The following CLEC12B variants were observed in gnomAD, a reference collection of about 807,000 sequenced individuals.
The protein encoded by CLEC12B is C-type lectin domain family 12 member B, also known as macrophage antigen h.
Under a neutral mutation model 36.1 loss-of-function variants are expected in CLEC12B, and 25 were observed. The ratio of observed to expected loss-of-function variants is 0.69; its 90% confidence interval spans 0.50 to 0.97. CLEC12B has a LOEUF of 0.97. Ranked by LOEUF, CLEC12B falls within the 50% of genes least tolerant of loss-of-function variation. CLEC12B has a pLI of 0.00. For missense variants in CLEC12B, 325 were observed against 318.4 expected (o/e 1.02, Z -0.16); for synonymous variants, 110 against 108.5 (o/e 1.01, Z -0.09).
intron 5 of CLEC12B, chr12:10,017,934 A>G (rs1046742266): frequency 1.0e-6 from 1 of 962,498 alleles, no homozygotes; most frequent in Non-Finnish European, 1.2e-6. Context: ...ATAAAATGTG[A>G]TAACTTTTTA....
chr12:10,009,818 G>T (rs575646717), upstream of CLEC12B, among the ~76,000 whole-genome samples: 213 of 152,160 alleles, frequency 1.4e-3, no homozygotes, highest in African/African-American at 4.7e-3. Flanking sequence ...CCTAAGTACA[G>T]TTATCTAATA....
At chr12:10,007,062 A>C (rs1865238368), upstream of CLEC12B, among the ~76,000 whole-genome samples, 1 of 152,110 alleles carries the variant, frequency 6.6e-6, no homozygotes, top group Admixed American at 6.5e-5. Context: ...CTCAATAAAA[A>C]AAAAGAAAGA....
rs1865544956 is a variant in CLEC12B, at chr12:10,018,586, G to A, written c.*105G>A. ...AGCCAAACCAGCTTTTAAAATGACT[G>A]TGTATTTACATTATCAGACAAATGA... On this transcript the variant is annotated 3_prime_UTR_variant, in exon 6 of 6. Coordinates refer to ENST00000338896, the MANE Select transcript of CLEC12B (RefSeq NM_001129998.3). 5.7e-6 allele frequency: 5 copies of A among 879,890 alleles called. No homozygotes were observed. The highest frequency in any genetic ancestry group is 8.8e-6 in the Non-Finnish European group (5 of 569,204). The allele number at this position is 879,890 out of a possible 1,614,324, so 54.5% of individuals were successfully genotyped here. A position where few individuals can be genotyped will look rare whatever the true frequency, so the allele number is the denominator to read the frequency against.
upstream of CLEC12B, among the ~76,000 whole-genome samples, chr12:10,010,344 A>G (rs1407283942): frequency 6.6e-6 from 1 of 152,124 alleles, no homozygotes; most frequent in Non-Finnish European, 1.5e-5. Flanking sequence ...ACTAGAACCA[A>G]TGTCTCCAGG....
Position 10,012,874 on chromosome 12 carries a change from G to T in CLEC12B, c.181G>T (p.Gly61Trp). The T allele has an allele frequency of 6.2e-7, 1 of 1,610,682 alleles. No homozygotes were observed. Among genetic ancestry groups the T allele is most frequent in the Non-Finnish European group, 8.5e-7 (1 of 1,177,046 alleles). Residue 61 changes from glycine (G) to tryptophan (W), a missense_variant, in exon 2 of 6, where the codon GGG (glycine) becomes TGG (tryptophan). Transcript: ENST00000338896. ...GTTGCTGATTGGGCTGGTGACATTG[G>T]GGATGATGTGTAAGTATATCAGCAT... is the stretch of plus-strand genomic sequence containing the variant. Reference protein sequence around the residue: ...LMLLIGLVTLGMMFLQISNDI... With the variant: ...LMLLIGLVTLWMMFLQISNDI...
rs772560354 is a variant in CLEC12B at position 10,010,746 on chromosome 12, C to T, written c.-14C>T. ...ACATTAATTAGATAATTTAAAGTAGCGTTTTCTTCTACAATGTCTGAAGAA... is the reference window on the plus strand; with the variant it reads ...ACATTAATTAGATAATTTAAAGTAGTGTTTTCTTCTACAATGTCTGAAGAA... On this transcript the variant is annotated 5_prime_UTR_variant, in exon 1 of 6. Transcript: ENST00000338896. 17 of 1,499,680 alleles carry T rather than the reference C, an allele frequency of 1.1e-5. No individual in the cohort carries two copies. The South Asian group carries it at 1.7e-4, about 15-fold the overall frequency. 92.9% of individuals were successfully genotyped at this position (1,499,680 alleles called of 1,614,324 possible).
In CLEC12B at chr12:10,018,505, G is replaced by T; in HGVS notation, c.*24G>T. ...AGTATGCTTCTTCCAAATTCTCCAAGAAGTAAGAGACTTGTGAGTAAGCTC... is the reference window on the plus strand; with the variant it reads ...AGTATGCTTCTTCCAAATTCTCCAATAAGTAAGAGACTTGTGAGTAAGCTC... On this transcript the variant is annotated 3_prime_UTR_variant, in exon 6 of 6. Transcript: ENST00000338896. 6.5e-7 allele frequency: 1 copy of T among 1,542,190 alleles called. No homozygotes were observed. Among genetic ancestry groups the T allele is most frequent in the South Asian group, 1.2e-5 (1 of 82,084 alleles).
chr12:10,018,265 G>A lies in CLEC12B; in HGVS notation c.681-66G>A, dbSNP rs866050703. On this transcript the variant is annotated intron_variant, in intron 5 of 5. Transcript: ENST00000338896. Reference sequence around the variant, plus strand: ...CATGACATTGGCTGTAAGAGCAACTGAGGGCACTAAATAGTGATCACGTTT... The same window carrying A: ...CATGACATTGGCTGTAAGAGCAACTAAGGGCACTAAATAGTGATCACGTTT... The A allele has an allele frequency of 8.0e-5, 77 of 966,114 alleles. 1 individual carries two copies. In the Middle Eastern group the frequency reaches 4.4e-3, roughly 55 times the overall value. 59.8% of individuals were successfully genotyped at this position (966,114 alleles called of 1,614,324 possible).
Position 10,018,685 on chromosome 12 carries a change from T to C in CLEC12B, c.*204T>C, listed in dbSNP as rs886947494. ...TTGATGTTATTATTCGGTCTTAAAA[T>C]TATACCTGGGGACAAAGGGGAATAG... On this transcript the variant is annotated 3_prime_UTR_variant, in exon 6 of 6. Transcript: ENST00000338896. 1.7e-5 allele frequency: 9 copies of C among 538,500 alleles called. No individual in the cohort carries two copies. The African/African-American group carries it at 1.8e-4, about 11-fold the overall frequency. 33.4% of individuals were successfully genotyped at this position (538,500 alleles called of 1,614,324 possible). A position where few individuals can be genotyped will look rare whatever the true frequency, so the allele number is the denominator to read the frequency against.
rs1865545976 is a variant in CLEC12B at position 10,018,629 on chromosome 12, T to C, written c.*148T>C. 2 of 659,846 alleles carry C rather than the reference T, an allele frequency of 3.0e-6. No individual in the cohort carries two copies. The allele number at this position is 659,846 out of a possible 1,614,324, so 40.9% of individuals were successfully genotyped here. On this transcript the variant is annotated 3_prime_UTR_variant, in exon 6 of 6. Coordinates refer to ENST00000338896, the MANE Select transcript of CLEC12B (RefSeq NM_001129998.3). Reference sequence around the variant, plus strand: ...ACAAATGAACTTGTTTAACAGAACATTCTCCAGTTCCTTGTCTGACGTCTT... The same window carrying C: ...ACAAATGAACTTGTTTAACAGAACACTCTCCAGTTCCTTGTCTGACGTCTT...
upstream of CLEC12B, among the ~76,000 whole-genome samples, chr12:10,009,468 GATTT>G (rs1865273021): frequency 6.6e-6 from 1 of 151,104 alleles, no homozygotes; most frequent in Admixed American, 6.6e-5. Context: ...CATAAGCATA[GATTT>G]ATTATTTGTT....
chr12:10,011,485 T>C (rs1214919604), intron 1 of CLEC12B, among the ~76,000 whole-genome samples: 7 of 151,700 alleles, frequency 4.6e-5, no homozygotes, highest in Non-Finnish European at 2.9e-5. Flanking sequence ...CTCCATTACA[T>C]AGATGAAAAA....
Position 10,010,716 on chromosome 12 carries a change from T to C in CLEC12B, c.-44T>C, listed in dbSNP as rs770349083. ...CATGCTGTTCCCAGGCCTCAAGATA[T>C]TGAAACATTAATTAGATAATTTAAA... On this transcript the variant is annotated 5_prime_UTR_variant, in exon 1 of 6. Coordinates refer to ENST00000338896, the MANE Select transcript of CLEC12B (RefSeq NM_001129998.3). 7.6e-6 allele frequency: 10 copies of C among 1,308,012 alleles called. No individual in the cohort carries two copies. The highest frequency in any genetic ancestry group is 5.9e-5 in the African/African-American group (4 of 68,132). The allele number at this position is 1,308,012 out of a possible 1,614,324, so 81.0% of individuals were successfully genotyped here.
At chr12:10,008,944 C>G (rs924997892), upstream of CLEC12B, among the ~76,000 whole-genome samples, 1 of 152,328 alleles carries the variant, frequency 6.6e-6, no homozygotes, top group East Asian at 1.9e-4. Context: ...ACTCAGGGAA[C>G]TTTCCTGTCT....
intron 1 of CLEC12B, 134 bp downstream of exon 1, chr12:10,010,984 A>G (rs590429): frequency 0.13 from 72,930 of 571,642 alleles, 5,921 homozygotes; most frequent in South Asian, 0.31. Context: ...ATAGTTGTGG[A>G]ATGTATTAGA....
intron 1 of CLEC12B, 64 bp from the exon 2 acceptor site, chr12:10,012,721 C>G: frequency 7.5e-7 from 1 of 1,336,608 alleles, no homozygotes; most frequent in Non-Finnish European, 1.1e-6. Context: ...GAGAAATAAA[C>G]AAACCAAAGT....
upstream of CLEC12B, among the ~76,000 whole-genome samples, chr12:10,008,852 TGAG>T (rs780826410): frequency 6.6e-6 from 1 of 152,064 alleles, no homozygotes; most frequent in Non-Finnish European, 1.5e-5. Context: ...ATTAAGGAAA[TGAG>T]GATGAAAACC....
Position 10,014,553 on chromosome 12 carries a change from A to G in CLEC12B, c.221A>G (p.Asp74Gly). 6.2e-7 allele frequency: 1 copy of G among 1,613,598 alleles called. No homozygotes were observed. Among genetic ancestry groups the G allele is most frequent in the Non-Finnish European group, 8.5e-7 (1 of 1,179,600 alleles). Residue 74 changes from aspartate to glycine, a missense_variant, in exon 3 of 6, where the codon GAT (aspartate) becomes GGT (glycine). Coordinates refer to ENST00000338896, the MANE Select transcript of CLEC12B (RefSeq NM_001129998.3). ...FLQISNDINS[D>G]SEKLSQLQKT... Reference sequence around the variant, plus strand: ...CAGATATCTAATGACATTAACTCAGATTCAGAGAAATTGAGTCAACTTCAG... The same window carrying G: ...CAGATATCTAATGACATTAACTCAGGTTCAGAGAAATTGAGTCAACTTCAG...
Position 10,017,860 on chromosome 12 carries a change from C to CT in CLEC12B, c.681-470dup, listed in dbSNP as rs929656780. 6 of 973,032 alleles carry CT rather than the reference C, an allele frequency of 6.2e-6. No individual in the cohort carries two copies. The African/African-American group carries it at 1.1e-4, about 17-fold the overall frequency. 60.3% of individuals were successfully genotyped at this position (973,032 alleles called of 1,614,324 possible). A position where few individuals can be genotyped will look rare whatever the true frequency, so the allele number is the denominator to read the frequency against. On this transcript the variant is annotated intron_variant, in intron 5 of 5. Transcript: ENST00000338896. The stretch of plus-strand genomic sequence containing the variant: ...AGTCAATCATTTCCTCTTTTAACGT[C>CT]TGTCTTGTTCTCTTTTTACCCACCA...
Sources: allele counts gnomAD v4.1 joint callset (sites outside exome capture counted in the v4.1 genomes callset), GRCh38; gene constraint gnomAD v4.1.1; transcripts MANE v1.5; gene names NCBI Gene and HGNC (gene_info 2026-07-23, HGNC 2026-07-21).